The following GRIK2 variants were observed in gnomAD, a reference collection of about 807,000 sequenced individuals.
GRIK2 encodes glutamate ionotropic receptor kainate type subunit 2.
Under a neutral mutation model 100.3 loss-of-function variants are expected in GRIK2, and 32 were observed. That is an observed-to-expected ratio of 0.32 (90% CI 0.24 to 0.43). GRIK2 has a LOEUF of 0.43. Ranked by LOEUF, GRIK2 falls within the 20% of genes least tolerant of loss-of-function variation. The pLI is 1.00. For missense variants in GRIK2, 843 were observed against 1,114.9 expected, an observed-to-expected ratio of 0.76 and a Z score of 3.47; for synonymous variants, 417 against 389.4, an observed-to-expected ratio of 1.07 and a Z score of -0.83.
chr6:102,044,394 A>G (rs992471828), intron 15 of GRIK2, among the ~76,000 whole-genome samples: 3 of 152,156 alleles, frequency 2.0e-5, no homozygotes, highest in African/African-American at 7.2e-5. Context: ...CATGCTGCTG[A>G]TAAAGACATA....
At chr6:101,497,393 T>G (rs1021688139) in intron 2 of GRIK2, among the ~76,000 whole-genome samples, 1 of 152,184 alleles carries the variant, frequency 6.6e-6, no homozygotes. Context: ...AATATTTTGT[T>G]GATTTAATGC....
intron 2 of GRIK2, among the ~76,000 whole-genome samples, chr6:101,525,589 G>A (rs996914540): frequency 2.5e-4 from 38 of 152,104 alleles, no homozygotes; most frequent in Admixed American, 2.4e-3. Flanking sequence ...ACATTTAAAG[G>A]ACCCATTCTT....
At chr6:101,681,980 AG>A (rs1771290583) in intron 5 of GRIK2, among the ~76,000 whole-genome samples, 1 of 152,202 alleles carries the variant, frequency 6.6e-6, no homozygotes, top group Admixed American at 6.5e-5. Flanking sequence ...TGAGGACTGT[AG>A]AAGAGTGAAA....
intron 13 of GRIK2, among the ~76,000 whole-genome samples, chr6:101,925,387 T>C (rs1789821592): frequency 6.6e-6 from 1 of 152,052 alleles, no homozygotes. Context: ...TAATGGTTTA[T>C]ATGTAACTAT....
intron 2 of GRIK2, among the ~76,000 whole-genome samples, chr6:101,453,397 A>G (rs1770820354): frequency 6.6e-6 from 1 of 151,980 alleles, no homozygotes; most frequent in African/African-American, 2.4e-5. Context: ...GTATTACACT[A>G]CATTTTGGGT....
chr6:101,985,412 T>G (rs1175996157), intron 14 of GRIK2, among the ~76,000 whole-genome samples: 3 of 151,898 alleles, frequency 2.0e-5, no homozygotes. Context: ...AAGTAGTTTC[T>G]TATCTTCCCT....
intron 2 of GRIK2, among the ~76,000 whole-genome samples, chr6:101,532,668 A>T (rs566916976): frequency 6.6e-6 from 1 of 151,710 alleles, no homozygotes; most frequent in South Asian, 2.1e-4. Context: ...GTGGTAAAAT[A>T]TATGTTATGA....
chr6:101,857,256 C>A (rs1466780549), intron 10 of GRIK2, among the ~76,000 whole-genome samples: 1 of 152,064 alleles, frequency 6.6e-6, no homozygotes, highest in Non-Finnish European at 1.5e-5. Context: ...AGGGTACAGT[C>A]CAGCAGAGCA....
intron 14 of GRIK2, among the ~76,000 whole-genome samples, chr6:101,956,785 A>AT (rs1562510059): frequency 6.1e-5 from 9 of 146,736 alleles, no homozygotes; most frequent in Non-Finnish European, 1.3e-4. Context: ...TATATATATA[A>AT]AATTTTCTTA....
intron 2 of GRIK2, among the ~76,000 whole-genome samples, chr6:101,595,708 G>GTATATATATATA (rs1334674645): frequency 4.4e-4 from 55 of 125,582 alleles, no homozygotes; most frequent in African/African-American, 1.7e-3. Context: ...ATGTGTGTGT[G>GTATATATATATA]TGTGTGTGTG....
At position 101,871,415 on chromosome 6, in the gene GRIK2, G is replaced by A. The variant is rs898778799; in HGVS notation, c.1524+11922G>A. Among the ~76,000 whole-genome samples, 3 of 151,742 alleles carry A rather than the reference G, an allele frequency of 2.0e-5. 1 individual carries two copies. The highest frequency in any genetic ancestry group is 6.6e-5 in the Admixed American group (1 of 15,196). On this transcript the variant is annotated intron_variant, in intron 11 of 16. Coordinates refer to ENST00000369134, the MANE Select transcript of GRIK2 (RefSeq NM_021956.5). ...TTTATTTTAAATTCAGGGGTTACAT[G>A]TGCAGATTTATTAGATGGCTATGTT...
At chr6:101,832,059 C>T (rs1782734165) in intron 10 of GRIK2, among the ~76,000 whole-genome samples, 1 of 151,634 alleles carries the variant, frequency 6.6e-6, no homozygotes, top group Non-Finnish European at 1.5e-5. Context: ...TACTAGATTC[C>T]CATTAAATCT....
intron 7 of GRIK2, among the ~76,000 whole-genome samples, chr6:101,793,480 C>T (rs1417996505): frequency 6.6e-6 from 1 of 152,108 alleles, no homozygotes; most frequent in Non-Finnish European, 1.5e-5. Context: ...CACTCCAGAC[C>T]CTGTTTGCCT....
chr6:101,600,344 G>T (rs1039043795), intron 2 of GRIK2, among the ~76,000 whole-genome samples: 1 of 151,710 alleles, frequency 6.6e-6, no homozygotes, highest in Non-Finnish European at 1.5e-5. Flanking sequence ...AATGCTCCTG[G>T]CTTTGTTCTT....
intron 7 of GRIK2, among the ~76,000 whole-genome samples, chr6:101,727,543 T>C (rs1327023337): frequency 6.6e-6 from 1 of 152,158 alleles, no homozygotes; most frequent in Non-Finnish European, 1.5e-5. Context: ...GACAAGTACA[T>C]GATAGGCATA....
chr6:101,799,694 C>G lies in GRIK2; in HGVS notation c.998C>G (p.Ala333Gly), dbSNP rs1378883227. Reference protein sequence around the residue: ...MYDAVHVVSVAVQQFPQMTVS... With the variant: ...MYDAVHVVSVGVQQFPQMTVS... ...GATGCTGTGCATGTGGTGTCTGTGGCCGTTCAACAGTTTCCCCAGATGACA... is the reference window on the plus strand; with the variant it reads ...GATGCTGTGCATGTGGTGTCTGTGGGCGTTCAACAGTTTCCCCAGATGACA... Residue 333 changes from alanine to glycine, a missense_variant, in exon 8 of 17, where the codon GCC becomes GGC. Transcript: ENST00000369134. 6.2e-7 allele frequency: 1 copy of G among 1,612,228 alleles called. No individual in the cohort carries two copies. Among genetic ancestry groups the G allele is most frequent in the Non-Finnish European group, 8.5e-7 (1 of 1,178,542 alleles).
At position 102,055,409 on chromosome 6, in the gene GRIK2, A is replaced by G. The variant is rs759882089; in HGVS notation, c.2391A>G (p.Lys797=). 27 of 1,613,296 alleles carry G rather than the reference A, an allele frequency of 1.7e-5. No homozygotes were observed. Among genetic ancestry groups the G allele is most frequent in the Non-Finnish European group, 1.7e-5 (20 of 1,179,428 alleles). ...EEGKLHMMKE[K]WWRGNGCPEE... ...GCAAACTGCATATGATGAAGGAGAAATGGTGGAGGGGCAATGGTTGCCCAG... is the reference window on the plus strand; with the variant it reads ...GCAAACTGCATATGATGAAGGAGAAGTGGTGGAGGGGCAATGGTTGCCCAG... Residue 797 remains lysine (K), a synonymous_variant, in exon 16 of 17, where the codon AAA becomes AAG. Transcript: ENST00000369134.
chr6:101,873,337 C>G (rs974881448), intron 11 of GRIK2, among the ~76,000 whole-genome samples: 2 of 147,104 alleles, frequency 1.4e-5, no homozygotes, highest in African/African-American at 5.0e-5. Flanking sequence ...TGAGTGAGAA[C>G]ATGTGGTGTT....
intron 2 of GRIK2, among the ~76,000 whole-genome samples, chr6:101,460,376 T>C (rs563797452): frequency 5.9e-4 from 90 of 152,332 alleles, no homozygotes; most frequent in African/African-American, 2.1e-3. Flanking sequence ...TAAAATTATA[T>C]AGATACTAGG....
Sources: gnomAD v4.1 joint callset for allele counts (sites outside exome capture counted in the v4.1 genomes callset) on GRCh38, gnomAD v4.1.1 for gene constraint, MANE v1.5 for transcripts, NCBI Gene and HGNC (gene_info 2026-07-23, HGNC 2026-07-21) for gene names.